SUMF1: variants seen among roughly 807,000 people sequenced by gnomAD.
The protein encoded by SUMF1 is formylglycine-generating enzyme.
In SUMF1, 48 loss-of-function variants were observed where a neutral mutation model predicts 47.6. That is an observed-to-expected ratio of 1.01 (90% CI 0.80 to 1.28). SUMF1 has a LOEUF of 1.28. Among genes scored for constraint, SUMF1 ranks in the 50% most tolerant of loss-of-function variants. The probability of loss-of-function intolerance (pLI) is 0.00; values close to 1 mark genes in which losing one functional copy is unlikely to be tolerated. For synonymous variants in SUMF1, 230 were observed against 192.1 expected (o/e 1.20, Z -1.63); for missense variants, 571 against 485.4 (o/e 1.18, Z -1.66).
At chr3:4,449,209 C>G in intron 3 of SUMF1, 57 bp downstream of exon 3, 1 of 1,601,218 alleles carries the variant, frequency 6.2e-7, no homozygotes, top group Non-Finnish European at 8.6e-7. Context: ...ATTTTTCACC[C>G]AAACCCTTTT....
chr3:4,303,646 C>A, intron 8 of SUMF1: 1 of 1,431,082 alleles, frequency 7.0e-7, no homozygotes, highest in South Asian at 1.4e-5. Context: ...TACAGCGCAC[C>A]CGTTGGTGCG....
intron 8 of SUMF1, among the ~76,000 whole-genome samples, chr3:4,168,213 C>T (rs1250128150): frequency 6.6e-6 from 1 of 152,120 alleles, no homozygotes; most frequent in Non-Finnish European, 1.5e-5. Flanking sequence ...TGGTCTGAAC[C>T]TTAAGGACTA....
intron 8 of SUMF1, among the ~76,000 whole-genome samples, chr3:4,127,079 T>C (rs927808402): frequency 6.6e-6 from 1 of 152,170 alleles, no homozygotes; most frequent in Non-Finnish European, 1.5e-5. Flanking sequence ...CCAGGTTGTG[T>C]CTATTTAAGC....
At chr3:4,228,398 AG>A (rs1696220204) in intron 8 of SUMF1, among the ~76,000 whole-genome samples, 1 of 151,988 alleles carries the variant, frequency 6.6e-6, no homozygotes. Flanking sequence ...TAGAAAAAAA[AG>A]CACACATCCT....
intron 8 of SUMF1, among the ~76,000 whole-genome samples, chr3:4,287,307 T>A (rs1160657845): frequency 1.3e-5 from 2 of 151,988 alleles, no homozygotes; most frequent in Non-Finnish European, 2.9e-5. Context: ...TTTCAGAAAT[T>A]GAGGCAGTAA....
At position 4,362,140 on chromosome 3, in the gene SUMF1, G is replaced by A. The variant is rs377678929; in HGVS notation, c.*4C>T. ...CTTGGACTGGGGAAGACTTTCCTTG[G>A]TTGTCAGTCCATAGTGGGCAGGCGG... On this transcript the variant is annotated 3_prime_UTR_variant, in exon 9 of 9. Coordinates refer to ENST00000272902, the MANE Select transcript of SUMF1 (RefSeq NM_182760.4). 291 of 1,613,882 alleles carry A rather than the reference G, an allele frequency of 1.8e-4. No individual in the cohort carries two copies. In the Middle Eastern group the frequency reaches 5.7e-3, roughly 32 times the overall value.
At chr3:4,282,967 C>T (rs1286993401) in intron 8 of SUMF1, among the ~76,000 whole-genome samples, 2 of 152,174 alleles carry the variant, frequency 1.3e-5, no homozygotes, top group Non-Finnish European at 2.9e-5. Context: ...ATGTACTACA[C>T]TTCTCTACTC....
chr3:4,216,527 C>A (rs949275757), intron 8 of SUMF1, among the ~76,000 whole-genome samples: 9 of 151,930 alleles, frequency 5.9e-5, no homozygotes, highest in African/African-American at 2.2e-4. Flanking sequence ...CGACAAAAGC[C>A]AAAATAAACA....
intron 8 of SUMF1, among the ~76,000 whole-genome samples, chr3:4,144,329 G>C (rs7635438): frequency 3.9e-5 from 6 of 152,030 alleles, no homozygotes; most frequent in Non-Finnish European, 7.4e-5. Flanking sequence ...GTATGTGGCA[G>C]ATGAGAAAAG....
chr3:4,134,730 C>T (rs758509338), intron 8 of SUMF1, among the ~76,000 whole-genome samples: 5 of 151,778 alleles, frequency 3.3e-5, no homozygotes, highest in Non-Finnish European at 7.4e-5. Flanking sequence ...ACTAGCAAGA[C>T]TAATAAAGAA....
chr3:4,065,125 C>A (rs531474828), intron 9 of SUMF1, among the ~76,000 whole-genome samples: 2 of 152,162 alleles, frequency 1.3e-5, no homozygotes, highest in African/African-American at 4.8e-5. Flanking sequence ...TACCTTGCCT[C>A]ACCATTTCCC....
chr3:4,186,567 T>C (rs1574961646), intron 8 of SUMF1, among the ~76,000 whole-genome samples: 1 of 152,122 alleles, frequency 6.6e-6, no homozygotes, highest in East Asian at 1.9e-4. Flanking sequence ...TGAAATAGAA[T>C]GCATTACTCT....
rs116461956 is a variant in SUMF1 at position 4,151,086 on chromosome 3, G to T, written c.1015-82341C>A. Among the ~76,000 whole-genome samples the T allele has an allele frequency of 4.0e-4, 60 of 151,200 alleles. 2 individuals are homozygous for T. The highest frequency in any genetic ancestry group is 7.5e-4 in the Non-Finnish European group (51 of 67,964). On this transcript the variant is annotated intron_variant and NMD_transcript_variant, in intron 8 of 12. Transcript: ENST00000448413. Reference sequence around the variant, plus strand: ...GGTGGGGGCCTCATCTTTTAGAATCGCTGTTCTCAAGAAACAGTGTAGCAC... The same window carrying T: ...GGTGGGGGCCTCATCTTTTAGAATCTCTGTTCTCAAGAAACAGTGTAGCAC...
chr3:4,381,278 G>C (rs1700495892), intron 7 of SUMF1, among the ~76,000 whole-genome samples: 1 of 152,188 alleles, frequency 6.6e-6, no homozygotes, highest in South Asian at 2.1e-4. Context: ...ATAAGTGGGA[G>C]CTAAGCTACG....
intron 8 of SUMF1, among the ~76,000 whole-genome samples, chr3:4,131,422 C>A (rs941710521): frequency 6.6e-6 from 1 of 152,138 alleles, no homozygotes; most frequent in Non-Finnish European, 1.5e-5. Context: ...TCAAATGGGT[C>A]TGCACAATAT....
At chr3:4,146,869 T>G (rs1488635005) in intron 8 of SUMF1, among the ~76,000 whole-genome samples, 1 of 152,138 alleles carries the variant, frequency 6.6e-6, no homozygotes, top group African/African-American at 2.4e-5. Flanking sequence ...CATGAACTCA[T>G]CATTTTTTAT....
chr3:4,037,181 T>C (rs1694816442), intron 9 of SUMF1, among the ~76,000 whole-genome samples: 1 of 152,186 alleles, frequency 6.6e-6, no homozygotes, highest in African/African-American at 2.4e-5. Context: ...AGTAAGGAAA[T>C]AATATGGATA....
At chr3:4,316,310 C>T in intron 8 of SUMF1, 6 of 1,148,102 alleles carry the variant, frequency 5.2e-6, no homozygotes, top group Non-Finnish European at 7.6e-6. Context: ...GCAACATCAA[C>T]AATGCATTTG....
At chr3:4,163,392 G>A (rs896032623) in intron 8 of SUMF1, among the ~76,000 whole-genome samples, 28,760 of 39,668 alleles carry the variant, frequency 0.73, 9,344 homozygotes, top group Middle Eastern at 0.82. Flanking sequence ...GGGAGGGAGG[G>A]AGGGAGGGAG....
Sources: allele counts gnomAD v4.1 joint callset (sites outside exome capture counted in the v4.1 genomes callset), GRCh38; gene constraint gnomAD v4.1.1; transcripts MANE v1.5; gene names NCBI Gene and HGNC (gene_info 2026-07-23, HGNC 2026-07-21).